SVOP: variants seen among roughly 807,000 people sequenced by gnomAD.
SVOP encodes SV2 related protein, also known as synaptic vesicle 2-related protein.
Under a neutral mutation model 69.1 loss-of-function variants are expected in SVOP, and 17 were observed. The observed-to-expected ratio is 0.25, with a 90% CI of 0.17 to 0.37. SVOP has a LOEUF of 0.37. SVOP is among the 10% of genes least tolerant of loss of function. The pLI, the probability that SVOP is intolerant of heterozygous loss-of-function variation, is 1.00. For missense variants in SVOP, 435 were observed against 597.5 expected, an observed-to-expected ratio of 0.73 and a Z score of 2.84; for synonymous variants, 238 against 238.6, an observed-to-expected ratio of 1.00 and a Z score of 0.02.
chr12:108,913,532 T>C (rs1200587706), intron 15 of SVOP, among the ~76,000 whole-genome samples: 1 of 152,190 alleles, frequency 6.6e-6, no homozygotes, highest in East Asian at 1.9e-4. Flanking sequence ...GATTTGAACT[T>C]GGGTCTGCTA....
chr12:108,976,777 G>A (rs1468231583), intron 4 of SVOP, among the ~76,000 whole-genome samples: 1 of 151,956 alleles, frequency 6.6e-6, no homozygotes, highest in East Asian at 1.9e-4. Context: ...ACCACGCCCA[G>A]CTAATTTTTG....
intron 6 of SVOP, among the ~76,000 whole-genome samples, chr12:108,958,410 CACAGCT>C (rs2039997553): frequency 6.6e-6 from 1 of 151,780 alleles, no homozygotes; most frequent in Non-Finnish European, 1.5e-5. Context: ...CAGTATTTAG[CACAGCT>C]ACATGCTGTA....
At chr12:108,918,183 G>A (rs1219041549) in intron 13 of SVOP, 59 bp from the exon 14 acceptor site, 7 of 1,404,794 alleles carry the variant, frequency 5.0e-6, no homozygotes, top group Non-Finnish European at 6.8e-6. Flanking sequence ...TTTCAGCATA[G>A]TCCTATCTTC....
intron 15 of SVOP, 104 bp downstream of exon 15, chr12:108,915,679 G>T: frequency 8.3e-7 from 1 of 1,204,546 alleles, no homozygotes; most frequent in Non-Finnish European, 1.1e-6. Context: ...TAAAATGAGC[G>T]AATGCAACCC....
intron 7 of SVOP, among the ~76,000 whole-genome samples, chr12:108,941,614 C>T (rs187709866): frequency 1.3e-5 from 2 of 152,200 alleles, no homozygotes; most frequent in Admixed American, 1.3e-4. Context: ...AACATCACCA[C>T]TCCCCTTCTC....
intron 1 of SVOP, among the ~76,000 whole-genome samples, chr12:109,006,558 C>A (rs2040308932): frequency 2.6e-5 from 4 of 152,046 alleles, no homozygotes; most frequent in Admixed American, 2.6e-4. Flanking sequence ...TGACCAAGAG[C>A]CTTTATTGTG....
intron 2 of SVOP, among the ~76,000 whole-genome samples, chr12:108,979,604 T>C (rs2137435612): frequency 6.6e-6 from 1 of 152,286 alleles, no homozygotes; most frequent in South Asian, 2.1e-4. Flanking sequence ...CACACTATAT[T>C]GTTAAGTGAA....
At chr12:108,926,588 T>G (rs2039781470) in intron 11 of SVOP, 1 of 152,234 alleles carries the variant, frequency 6.6e-6, no homozygotes, top group African/African-American at 2.4e-5. Flanking sequence ...AGTTGTACCT[T>G]TATAGGTTAC....
chr12:108,995,072 G>C (rs1291234023), intron 1 of SVOP, among the ~76,000 whole-genome samples: 1 of 151,894 alleles, frequency 6.6e-6, no homozygotes. Flanking sequence ...TTGAGCCTGG[G>C]AGGTCAAAGC....
intron 7 of SVOP, among the ~76,000 whole-genome samples, chr12:108,941,916 C>T (rs558330085): frequency 1.3e-5 from 2 of 152,224 alleles, no homozygotes; most frequent in East Asian, 1.9e-4. Flanking sequence ...CCACCCCCCT[C>T]GGCCTCCCAA....
intron 2 of SVOP, 100 bp from the exon 3 acceptor site, chr12:108,978,763 C>T (rs1257288949): frequency 1.4e-5 from 9 of 645,614 alleles, no homozygotes; most frequent in Non-Finnish European, 2.5e-5. Context: ...GCTAATTAAA[C>T]ACAGCACATG....
At chr12:108,963,444 C>T (rs1245293040) in intron 5 of SVOP, among the ~76,000 whole-genome samples, 2 of 151,874 alleles carry the variant, frequency 1.3e-5, no homozygotes, top group African/African-American at 2.4e-5. Flanking sequence ...TCAAAGAGTC[C>T]GTGAGGTGCC....
At chr12:108,949,928 C>G (rs1047086932) in intron 6 of SVOP, among the ~76,000 whole-genome samples, 3 of 152,204 alleles carry the variant, frequency 2.0e-5, no homozygotes, top group African/African-American at 7.2e-5. Context: ...ACAGTTCCCT[C>G]ATCCTTGAAG....
intron 1 of SVOP, among the ~76,000 whole-genome samples, chr12:108,985,166 G>A: frequency 6.6e-6 from 1 of 151,790 alleles, no homozygotes; most frequent in Admixed American, 6.6e-5. Flanking sequence ...GGGTGAGGCT[G>A]CAGTGAGCCG....
At chr12:108,978,223 A>C (rs1039336194) in intron 3 of SVOP, among the ~76,000 whole-genome samples, 2 of 152,196 alleles carry the variant, frequency 1.3e-5, no homozygotes, top group African/African-American at 4.8e-5. Flanking sequence ...TGAATGAGGG[A>C]TCATGAGAGT....
chr12:108,959,584 G>C (rs2040005739), intron 6 of SVOP, among the ~76,000 whole-genome samples: 2 of 151,980 alleles, frequency 1.3e-5, no homozygotes, highest in South Asian at 2.1e-4. Context: ...AAACTCCTGA[G>C]CTCAAGTGAT....
At chr12:108,930,646 G>T (rs2039811797) in intron 11 of SVOP, among the ~76,000 whole-genome samples, 1 of 152,094 alleles carries the variant, frequency 6.6e-6, no homozygotes, top group Admixed American at 6.6e-5. Context: ...TGTTGGCCAG[G>T]CTGGTCCTGA....
intron 1 of SVOP, among the ~76,000 whole-genome samples, chr12:109,018,695 A>G (rs1004470371): frequency 2.6e-5 from 4 of 152,180 alleles, no homozygotes; most frequent in African/African-American, 9.7e-5. Flanking sequence ...AACACATTTC[A>G]GGGCTAATTT....
chr12:108,912,227 T>G lies in SVOP; in HGVS notation c.*308A>C, dbSNP rs575666245. On this transcript the variant is annotated 3_prime_UTR_variant, in exon 16 of 16. Coordinates refer to ENST00000610966, the MANE Select transcript of SVOP (RefSeq NM_018711.5). ...GAGGGTTTGGCCGGGTGACTCTGGG[T>G]GGTGTCTGATTGGTTGCTGGCATTA... is the stretch of plus-strand genomic sequence containing the variant. 4.5e-4 allele frequency: 568 copies of G among 1,248,934 alleles called. 4 individuals are homozygous for G. The Middle Eastern group carries it at 5.1e-3, about 11-fold the overall frequency. The allele number at this position is 1,248,934 out of a possible 1,614,324, so 77.4% of individuals were successfully genotyped here.
Sources: allele counts gnomAD v4.1 joint callset (sites outside exome capture counted in the v4.1 genomes callset), GRCh38; gene constraint gnomAD v4.1.1; transcripts MANE v1.5; gene names NCBI Gene and HGNC (gene_info 2026-07-23, HGNC 2026-07-21).